Variants in FASTKD2 observed in about 807,000 individuals in gnomAD.
FASTKD2 encodes FAST kinase domain-containing protein 2, mitochondrial.
Under a neutral mutation model 63.6 loss-of-function variants are expected in FASTKD2, and 51 were observed. That is an observed-to-expected ratio of 0.80 (90% CI 0.64 to 1.01). FASTKD2 has a LOEUF of 1.01. FASTKD2 is among the 50% of genes least tolerant of loss of function. FASTKD2 has a pLI of 0.00. For synonymous variants in FASTKD2, 284 were observed against 293.4 expected, an observed-to-expected ratio of 0.97 and a Z score of 0.33; for missense variants, 786 against 831.1, an observed-to-expected ratio of 0.95 and a Z score of 0.67.
Position 206,769,667 on chromosome 2 carries a change from A to G in FASTKD2, c.778-424A>G, listed in dbSNP as rs189473162. Among the ~76,000 whole-genome samples the G allele has an allele frequency of 4.1e-3, 617 of 152,316 alleles. 1 individual carries two copies. The highest frequency in any genetic ancestry group is 6.8e-3 in the Middle Eastern group (2 of 294). On this transcript the variant is annotated intron_variant, in intron 2 of 11. Coordinates refer to ENST00000402774, the MANE Select transcript of FASTKD2 (RefSeq NM_001136193.2). ...GATCTAGGGAAATTGTAAAGGCACA[A>G]CCATTTAAGGATCTTTAGAGATGGG...
rs1162911919 is a variant in FASTKD2 at position 206,794,977 on chromosome 2, C to G, written c.*3175C>G. Reference sequence around the variant, plus strand: ...TGACTGCACTTTTCCATGAAATTACCCAGCAGTTATGATGGTCAGTGGCTC... The same window carrying G: ...TGACTGCACTTTTCCATGAAATTACGCAGCAGTTATGATGGTCAGTGGCTC... On this transcript the variant is annotated 3_prime_UTR_variant, in exon 12 of 12. Coordinates refer to ENST00000402774, the MANE Select transcript of FASTKD2 (RefSeq NM_001136193.2). Among the ~76,000 whole-genome samples, 1 of 152,142 alleles carries G rather than the reference C, an allele frequency of 6.6e-6. No homozygotes were observed. The highest frequency in any genetic ancestry group is 1.5e-5 in the Non-Finnish European group (1 of 68,012).
rs981906683 is a variant in FASTKD2 at position 206,795,290 on chromosome 2, G to A, written c.*3488G>A. Among the ~76,000 whole-genome samples the A allele has an allele frequency of 6.6e-6, 1 of 152,118 alleles. No individual in the cohort carries two copies. Among genetic ancestry groups the A allele is most frequent in the Admixed American group, 6.5e-5 (1 of 15,282 alleles). On this transcript the variant is annotated 3_prime_UTR_variant, in exon 12 of 12. Coordinates refer to ENST00000402774, the MANE Select transcript of FASTKD2 (RefSeq NM_001136193.2). ...GGTCTGTCGCCCAGGCTGGAGTGCT[G>A]TGGCGTGATCTCAGCTCACTGCAAG...
At position 206,791,508 on chromosome 2, in the gene FASTKD2, T is replaced by C. The variant is rs1690284713; in HGVS notation, c.2014-175T>C. The C allele has an allele frequency of 9.7e-6, 6 of 617,902 alleles. No homozygotes were observed. In the South Asian group the frequency reaches 1.2e-4, roughly 12 times the overall value. The allele number at this position is 617,902 out of a possible 1,614,324, so 38.3% of individuals were successfully genotyped here. The stretch of plus-strand genomic sequence containing the variant: ...TGTATAATTTTCACAGTTAAAGCTT[T>C]CTTAAACCCTAGCATGTAGTCTTAT... On this transcript the variant is annotated intron_variant, in intron 11 of 11. Transcript: ENST00000402774.
At chr2:206,778,900 CT>C (rs1240913431) in intron 7 of FASTKD2, among the ~76,000 whole-genome samples, 1 of 152,146 alleles carries the variant, frequency 6.6e-6, no homozygotes, top group Admixed American at 6.5e-5. Flanking sequence ...AAACACCCCC[CT>C]ATGCCCAGTC....
chr2:206,787,879 G>GT, intron 8 of FASTKD2, 58 bp from the exon 9 acceptor site: 1 of 899,612 alleles, frequency 1.1e-6, no homozygotes, highest in South Asian at 1.4e-5. Flanking sequence ...TACTAATATA[G>GT]TTTTTTAATG....
chr2:206,779,648 C>A (rs1411168546), intron 7 of FASTKD2, among the ~76,000 whole-genome samples: 1 of 152,182 alleles, frequency 6.6e-6, no homozygotes. Context: ...CACCTTCCAA[C>A]AGGTCTCTCC....
At position 206,794,724 on chromosome 2, in the gene FASTKD2, A is replaced by G. The variant is rs1257898444; in HGVS notation, c.*2922A>G. Among the ~76,000 whole-genome samples the G allele has an allele frequency of 6.6e-6, 1 of 152,078 alleles. No homozygotes were observed. The highest frequency in any genetic ancestry group is 1.5e-5 in the Non-Finnish European group (1 of 67,992). ...CTTGTCATTGACAAAATGTGATGGT[A>G]TTTTTTTTGTGATAATACACATGGA... On this transcript the variant is annotated 3_prime_UTR_variant, in exon 12 of 12. Coordinates refer to ENST00000402774, the MANE Select transcript of FASTKD2 (RefSeq NM_001136193.2).
At position 206,793,253 on chromosome 2, in the gene FASTKD2, A is replaced by G. The variant is rs929634262; in HGVS notation, c.*1451A>G. Among the ~76,000 whole-genome samples the G allele has an allele frequency of 1.6e-5, 2 of 128,690 alleles. No homozygotes were observed. Among genetic ancestry groups the G allele is most frequent in the African/African-American group, 5.9e-5 (2 of 34,044 alleles). The allele number at this position is 128,690 out of a possible 152,430, so 84.4% of individuals were successfully genotyped here. On this transcript the variant is annotated 3_prime_UTR_variant, in exon 12 of 12. Transcript: ENST00000402774. Reference sequence around the variant, plus strand: ...AAAAAAAAAAAAAAAAAAAAAAAATACAAAAACTATAGCAATATGACAACA... The same window carrying G: ...AAAAAAAAAAAAAAAAAAAAAAAATGCAAAAACTATAGCAATATGACAACA...
At position 206,786,714 on chromosome 2, in the gene FASTKD2, A is replaced by G. The variant is rs759690978; in HGVS notation, c.1428-19A>G. 16 of 1,611,942 alleles carry G rather than the reference A, an allele frequency of 9.9e-6. No individual in the cohort carries two copies. The African/African-American group carries it at 1.5e-4, about 15-fold the overall frequency. ...GCCTTCTGTATATGTTGGGAAACTGACTTTTCTTTGTTCCCCAGACAGTTC... is the reference window on the plus strand; with the variant it reads ...GCCTTCTGTATATGTTGGGAAACTGGCTTTTCTTTGTTCCCCAGACAGTTC... On this transcript the variant is annotated intron_variant, in intron 7 of 11. Coordinates refer to ENST00000402774, the MANE Select transcript of FASTKD2 (RefSeq NM_001136193.2).
At position 206,793,152 on chromosome 2, in the gene FASTKD2, G is replaced by A. The variant is rs898163159; in HGVS notation, c.*1350G>A. On this transcript the variant is annotated 3_prime_UTR_variant, in exon 12 of 12. Coordinates refer to ENST00000402774, the MANE Select transcript of FASTKD2 (RefSeq NM_001136193.2). ...CAGGGGAATCGCTTGAACCCGGGAG[G>A]TGGAGATTGCAGTGAGCCAAGATGG... 1.4e-5 allele frequency among the ~76,000 whole-genome samples: 2 copies of A among 147,498 alleles called. No homozygotes were observed. The highest frequency in any genetic ancestry group is 5.1e-5 in the African/African-American group (2 of 39,370).
intron 9 of FASTKD2, among the ~76,000 whole-genome samples, 181 bp from the exon 10 acceptor site, chr2:206,788,638 G>A (rs549216534): frequency 2.6e-5 from 4 of 151,278 alleles, no homozygotes; most frequent in East Asian, 2.0e-4. Flanking sequence ...AACAGGGTGG[G>A]GTAAAAGGAT....
At chr2:206,788,239 G>C (rs999962962) in intron 9 of FASTKD2, 84 bp downstream of exon 9, 1 of 939,126 alleles carries the variant, frequency 1.1e-6, no homozygotes, top group Non-Finnish European at 1.7e-6. Context: ...ATTTGTGGCA[G>C]CAGTTTAGTG....
Position 206,766,807 on chromosome 2 carries a change from C to T in FASTKD2, c.114C>T (p.Ser38=), listed in dbSNP as rs1050537783. Residue 38 remains serine (S), a synonymous_variant, in exon 2 of 12, where the codon AGC becomes AGT. Transcript: ENST00000402774. The part of the protein sequence containing the change: ...LRQFSTLVST[S]RTMRLCCLGL... ...AATTCAGTACATTAGTTTCAACAAGCAGAACTATGAGGCTATGTTGTTTGG... is the reference window on the plus strand; with the variant it reads ...AATTCAGTACATTAGTTTCAACAAGTAGAACTATGAGGCTATGTTGTTTGG... The T allele has an allele frequency of 1.9e-6, 3 of 1,612,950 alleles. No individual in the cohort carries two copies. In the South Asian group the frequency reaches 3.3e-5, roughly 18 times the overall value.
At chr2:206,767,518 T>C in intron 2 of FASTKD2, 48 bp downstream of exon 2, 1 of 1,487,836 alleles carries the variant, frequency 6.7e-7, no homozygotes, top group Admixed American at 1.7e-5. Context: ...ATTTAGAATA[T>C]TTTGAAAGAA....
Position 206,789,099 on chromosome 2 carries a change from A to T in FASTKD2, c.1898+196A>T, listed in dbSNP as rs951815070. 2.4e-5 allele frequency: 14 copies of T among 583,800 alleles called. No homozygotes were observed. In the African/African-American group the frequency reaches 2.6e-4, roughly 11 times the overall value. 36.2% of individuals were successfully genotyped at this position (583,800 alleles called of 1,614,324 possible). ...ACGTTATGGTTGAATACAATGGACT[A>T]CAGTATTGGTCATTTAATGAGACAG... On this transcript the variant is annotated intron_variant, in intron 10 of 11. Transcript: ENST00000402774.
Position 206,793,862 on chromosome 2 carries a change from C to T in FASTKD2, c.*2060C>T, listed in dbSNP as rs973921031. On this transcript the variant is annotated 3_prime_UTR_variant, in exon 12 of 12. Coordinates refer to ENST00000402774, the MANE Select transcript of FASTKD2 (RefSeq NM_001136193.2). Reference sequence around the variant, plus strand: ...AAAAAGTTCAGTCTACTTGTAAAGACATGCACATTGAAACAGAAGAGATGG... The same window carrying T: ...AAAAAGTTCAGTCTACTTGTAAAGATATGCACATTGAAACAGAAGAGATGG... Among the ~76,000 whole-genome samples, 1 of 152,172 alleles carries T rather than the reference C, an allele frequency of 6.6e-6. No individual in the cohort carries two copies. Among genetic ancestry groups the T allele is most frequent in the Non-Finnish European group, 1.5e-5 (1 of 68,034 alleles).
Position 206,795,698 on chromosome 2 carries a change from A to T in FASTKD2, c.*3896A>T, listed in dbSNP as rs886055525. Among the ~76,000 whole-genome samples, 1 of 152,186 alleles carries T rather than the reference A, an allele frequency of 6.6e-6. No individual in the cohort carries two copies. The highest frequency in any genetic ancestry group is 1.5e-5 in the Non-Finnish European group (1 of 68,032). On this transcript the variant is annotated 3_prime_UTR_variant, in exon 12 of 12. Coordinates refer to ENST00000402774, the MANE Select transcript of FASTKD2 (RefSeq NM_001136193.2). ...CTCTATGCAGATGTACCTACTTGAA[A>T]CTGGGAAGGCCAAATGAGATAGAGG...
chr2:206,767,168 C>T lies in FASTKD2; in HGVS notation c.475C>T (p.Leu159=), dbSNP rs1689531313. Residue 159 remains leucine, a synonymous_variant, in exon 2 of 12, where the codon CTG becomes TTG. Transcript: ENST00000402774. Reference sequence around the variant, plus strand: ...ACCAAACCGTATCAGCAGTAGAAAACTGTCTGAGGAATGTAATTCCCTGAG... The same window carrying T: ...ACCAAACCGTATCAGCAGTAGAAAATTGTCTGAGGAATGTAATTCCCTGAG... The part of the protein sequence containing the change: ...TKPNRISSRK[L]SEECNSLSDV... 3 of 1,614,092 alleles carry T rather than the reference C, an allele frequency of 1.9e-6. No homozygotes were observed. The highest frequency in any genetic ancestry group is 2.5e-6 in the Non-Finnish European group (3 of 1,180,034).
In FASTKD2 at chr2:206,767,376, A is replaced by G; in HGVS notation, c.683A>G (p.Gln228Arg). ...ATGATGAGAGAAGCCAAGATCATGC[A>G]GTATAAGTACCTACTGTTCAGTCTT... ...EHMMREAKIM[Q>R]YKYLLFSLHA... Residue 228 changes from glutamine (Q) to arginine (R), a missense_variant, in exon 2 of 12, where the codon CAG becomes CGG. Coordinates refer to ENST00000402774, the MANE Select transcript of FASTKD2 (RefSeq NM_001136193.2). 1.2e-6 allele frequency: 2 copies of G among 1,613,938 alleles called. No individual in the cohort carries two copies. The highest frequency in any genetic ancestry group is 2.2e-5 in the East Asian group (1 of 44,874).
Sources: gnomAD v4.1 joint callset for allele counts (sites outside exome capture counted in the v4.1 genomes callset) on GRCh38, gnomAD v4.1.1 for gene constraint, MANE v1.5 for transcripts, NCBI Gene and HGNC (gene_info 2026-07-23, HGNC 2026-07-21) for gene names.